PRR5L: variants seen among roughly 807,000 people sequenced by gnomAD.
PRR5L encodes the protein proline-rich protein 5-like.
In PRR5L, 21 loss-of-function variants were observed where a neutral mutation model predicts 36.4. The observed-to-expected ratio is 0.58, with a 90% CI of 0.41 to 0.83. PRR5L has a LOEUF of 0.83. Ranked by LOEUF, PRR5L falls within the 40% of genes least tolerant of loss-of-function variation. The pLI, the probability that PRR5L is intolerant of heterozygous loss-of-function variation, is 0.00. For missense variants in PRR5L, 381 were observed against 473.3 expected (o/e 0.80, Z 1.81); for synonymous variants, 188 against 197.0 (o/e 0.95, Z 0.38).
At position 36,397,828 on chromosome 11, in the gene PRR5L, T is replaced by C. The variant is rs117052848; in HGVS notation, c.-125-3169T>C. On this transcript the variant is annotated intron_variant, in intron 1 of 8. Transcript: ENST00000530639. ...TGTTTTTTTTTGAGACGAGTTTCGC[T>C]CTTGTTGCCCAGGCTATAGTGCAAT... is the stretch of plus-strand genomic sequence containing the variant. 7.7e-3 allele frequency among the ~76,000 whole-genome samples: 1,156 copies of C among 150,464 alleles called. 27 individuals are homozygous for C. The highest frequency in any genetic ancestry group is 0.042 in the Admixed American group (636 of 15,160).
chr11:36,455,463 T>G (rs1294122220), intron 8 of PRR5L: 1 of 152,884 alleles, frequency 6.5e-6, no homozygotes, highest in Non-Finnish European at 1.5e-5. Context: ...GAGGAGGGAA[T>G]AAAGCCTCCC....
chr11:36,415,453 GC>G (rs1432719331), intron 3 of PRR5L, among the ~76,000 whole-genome samples: 2 of 152,218 alleles, frequency 1.3e-5, no homozygotes, highest in African/African-American at 4.8e-5. Flanking sequence ...TTTTAAAAAT[GC>G]ATCTGTGGGC....
chr11:36,346,444 G>A (rs964395769), intron 1 of PRR5L, among the ~76,000 whole-genome samples: 4 of 152,060 alleles, frequency 2.6e-5, no homozygotes. Context: ...TTAGCCGGGC[G>A]TGGTGGCAGG....
At chr11:36,363,055 G>T (rs1226145277) in intron 1 of PRR5L, among the ~76,000 whole-genome samples, 1 of 152,228 alleles carries the variant, frequency 6.6e-6, no homozygotes, top group African/African-American at 2.4e-5. Context: ...CCAGGCCTGA[G>T]CCTGGTTTGT....
At chr11:36,326,988 T>C (rs1856671217) in intron 1 of PRR5L, among the ~76,000 whole-genome samples, 1 of 151,962 alleles carries the variant, frequency 6.6e-6, no homozygotes, top group South Asian at 2.1e-4. Context: ...AGTGGAAAAA[T>C]GACTTAATGA....
chr11:36,386,787 C>T (rs891339011), intron 1 of PRR5L, among the ~76,000 whole-genome samples: 7 of 152,200 alleles, frequency 4.6e-5, no homozygotes, highest in African/African-American at 1.7e-4. Context: ...TGAAACCTAC[C>T]TCCTTGGTTT....
At chr11:36,368,311 T>C (rs1857164786) in intron 1 of PRR5L, among the ~76,000 whole-genome samples, 1 of 152,034 alleles carries the variant, frequency 6.6e-6, no homozygotes, top group African/African-American at 2.4e-5. Flanking sequence ...AATAGTCTAA[T>C]GGCTTGATGG....
intron 8 of PRR5L, among the ~76,000 whole-genome samples, chr11:36,457,231 G>T (rs1272701062): frequency 6.6e-6 from 1 of 152,162 alleles, no homozygotes; most frequent in Non-Finnish European, 1.5e-5. Context: ...CCAAGTTTCA[G>T]CCATGTTATA....
chr11:36,319,476 T>G (rs931820116), intron 1 of PRR5L, among the ~76,000 whole-genome samples: 3 of 152,240 alleles, frequency 2.0e-5, no homozygotes, highest in Non-Finnish European at 4.4e-5. Flanking sequence ...GGCCAGATAG[T>G]AAGGGCTTTA....
Position 36,413,816 on chromosome 11 carries a change from C to G in PRR5L, c.246-5439C>G, listed in dbSNP as rs188580053. 9.8e-3 allele frequency among the ~76,000 whole-genome samples: 1,454 copies of G among 148,656 alleles called. 23 individuals are homozygous for G. Among genetic ancestry groups the G allele is most frequent in the African/African-American group, 0.034 (1,386 of 40,228 alleles). On this transcript the variant is annotated intron_variant, in intron 3 of 8. Coordinates refer to ENST00000530639, the MANE Select transcript of PRR5L (RefSeq NM_001160167.2). ...CATGCTGGTGTGCTGCACCCATTAA[C>G]TCGTCATTTAGCATTAGGTATATCT...
chr11:36,346,125 C>A (rs1856862792), intron 1 of PRR5L, among the ~76,000 whole-genome samples: 1 of 152,038 alleles, frequency 6.6e-6, no homozygotes, highest in Non-Finnish European at 1.5e-5. Flanking sequence ...ATAAATCCAT[C>A]TTTTGAAGGA....
intron 1 of PRR5L, among the ~76,000 whole-genome samples, chr11:36,350,766 A>T (rs1325845663): frequency 1.3e-5 from 2 of 150,656 alleles, no homozygotes; most frequent in Non-Finnish European, 2.9e-5. Flanking sequence ...CTTAGCTCCC[A>T]CTTATGAGTG....
At chr11:36,319,602 C>T (rs1235991136) in intron 1 of PRR5L, among the ~76,000 whole-genome samples, 13 of 151,762 alleles carry the variant, frequency 8.6e-5, no homozygotes. Flanking sequence ...AAACTACTTA[C>T]AAAGGCAGGC....
At chr11:36,461,264 G>C (rs543357766) in intron 8 of PRR5L, among the ~76,000 whole-genome samples, 144 of 152,228 alleles carry the variant, frequency 9.5e-4, no homozygotes, top group Non-Finnish European at 1.4e-3. Context: ...TTCAGTTTTG[G>C]GGGGGATTCA....
chr11:36,395,660 T>C (rs1857643921), intron 1 of PRR5L, among the ~76,000 whole-genome samples: 1 of 152,224 alleles, frequency 6.6e-6, no homozygotes, highest in Non-Finnish European at 1.5e-5. Flanking sequence ...TAGGGGCACA[T>C]AGAGTTTCCA....
intron 1 of PRR5L, among the ~76,000 whole-genome samples, chr11:36,309,974 A>G: frequency 6.6e-6 from 1 of 152,278 alleles, no homozygotes; most frequent in South Asian, 2.1e-4. Flanking sequence ...TACCACCACC[A>G]CCATCATCCC....
intron 1 of PRR5L, chr11:36,376,318 G>A: frequency 1.8e-6 from 2 of 1,099,406 alleles, no homozygotes; most frequent in South Asian, 3.6e-5. Flanking sequence ...GAAGAGGGGA[G>A]GAGGGGGAGA....
intron 1 of PRR5L, among the ~76,000 whole-genome samples, chr11:36,296,851 T>C (rs1856316857): frequency 6.6e-6 from 1 of 152,262 alleles, no homozygotes; most frequent in Non-Finnish European, 1.5e-5. Flanking sequence ...AGATTCTTGC[T>C]TCTTTCAAAC....
intron 4 of PRR5L, 87 bp downstream of exon 4, chr11:36,419,390 C>T: frequency 8.5e-7 from 1 of 1,175,070 alleles, no homozygotes; most frequent in Non-Finnish European, 1.3e-6. Flanking sequence ...TACAGTTGGA[C>T]ATTCCTTCAA....
Sources: gnomAD v4.1 joint callset for allele counts (sites outside exome capture counted in the v4.1 genomes callset) on GRCh38, gnomAD v4.1.1 for gene constraint, MANE v1.5 for transcripts, NCBI Gene and HGNC (gene_info 2026-07-23, HGNC 2026-07-21) for gene names.